COMMD10: variants seen among roughly 807,000 people sequenced by gnomAD.
The protein encoded by COMMD10 is COMM domain-containing protein 10.
In COMMD10, 33 loss-of-function variants were observed where a neutral mutation model predicts 28.9. That is an observed-to-expected ratio of 1.14 (90% confidence interval 0.87 to 1.53). The LOEUF (loss-of-function observed/expected upper bound fraction) is 1.53, where lower values mean the gene tolerates loss of function less well. Among genes scored for constraint, COMMD10 ranks in the 40% most tolerant of loss-of-function variants. The pLI is 0.00. For missense variants in COMMD10, 310 were observed against 233.4 expected, an observed-to-expected ratio of 1.33 and a Z score of -2.14; for synonymous variants, 110 against 81.7, an observed-to-expected ratio of 1.35 and a Z score of -1.87.
At chr5:116,172,309 G>T (rs1279698512) in intron 5 of COMMD10, among the ~76,000 whole-genome samples, 1 of 152,030 alleles carries the variant, frequency 6.6e-6, no homozygotes, top group Non-Finnish European at 1.5e-5. Flanking sequence ...ACTGCTTCAG[G>T]GATAAATAGG....
chr5:116,150,191 G>C (rs1752476294), intron 5 of COMMD10, among the ~76,000 whole-genome samples: 2 of 152,180 alleles, frequency 1.3e-5, no homozygotes, highest in South Asian at 4.1e-4. Context: ...ACTTCTGAGG[G>C]CTCTGTTCTG....
chr5:116,225,999 A>T (rs975373209), intron 5 of COMMD10, among the ~76,000 whole-genome samples: 4 of 151,850 alleles, frequency 2.6e-5, no homozygotes, highest in African/African-American at 9.7e-5. Flanking sequence ...CTCCACTCCA[A>T]GTTCTAGCAT....
At chr5:116,179,942 C>G (rs1747892117) in intron 5 of COMMD10, among the ~76,000 whole-genome samples, 1 of 151,912 alleles carries the variant, frequency 6.6e-6, no homozygotes, top group African/African-American at 2.4e-5. Context: ...AAGAGTGTAG[C>G]AAGCAGAATG....
rs189311888 is a variant in COMMD10 at position 116,248,693 on chromosome 5, G to A, written c.511-42824G>A. ...TTAGAGACAAAGTTGAGTTACTGTG[G>A]CCTGGCTGTGCAAATACTCTTGTTT... On this transcript the variant is annotated intron_variant, in intron 5 of 6. Transcript: ENST00000274458. Among the ~76,000 whole-genome samples, 9 of 151,960 alleles carry A rather than the reference G, an allele frequency of 5.9e-5. No homozygotes were observed. In the East Asian group the frequency reaches 1.7e-3, roughly 29 times the overall value.
intron 5 of COMMD10, among the ~76,000 whole-genome samples, chr5:116,264,306 G>T (rs777381252): frequency 6.6e-6 from 1 of 151,770 alleles, no homozygotes; most frequent in African/African-American, 2.4e-5. Flanking sequence ...TCGAATATAC[G>T]TATGAAGGCA....
At chr5:116,103,213 T>A (rs945974623) in intron 4 of COMMD10, among the ~76,000 whole-genome samples, 103 of 152,308 alleles carry the variant, frequency 6.8e-4, no homozygotes, top group African/African-American at 2.3e-3. Context: ...TCAAATGGTA[T>A]TTATAGTTCT....
At chr5:116,109,309 A>T (rs934113584) in intron 4 of COMMD10, among the ~76,000 whole-genome samples, 2 of 152,198 alleles carry the variant, frequency 1.3e-5, no homozygotes, top group East Asian at 3.9e-4. Flanking sequence ...TTGGCTGAGC[A>T]CTATGGGCTC....
chr5:116,252,262 T>C (rs1309664689), intron 5 of COMMD10, among the ~76,000 whole-genome samples: 3 of 142,334 alleles, frequency 2.1e-5, no homozygotes, highest in South Asian at 2.2e-4. Flanking sequence ...CTGTTCACTC[T>C]GATGGTAGTT....
intron 4 of COMMD10, among the ~76,000 whole-genome samples, chr5:116,094,757 TAAG>T (rs1393162595): frequency 1.3e-5 from 2 of 152,174 alleles, no homozygotes; most frequent in African/African-American, 4.8e-5. Context: ...ATAGCAAAGA[TAAG>T]AAATCAACCT....
chr5:116,211,439 G>C (rs1199536707), intron 5 of COMMD10, among the ~76,000 whole-genome samples: 1 of 152,050 alleles, frequency 6.6e-6, no homozygotes, highest in Non-Finnish European at 1.5e-5. Context: ...ACATAGAAAA[G>C]GTAATGGGTT....
chr5:116,146,482 G>T lies in COMMD10; in HGVS notation c.510+12304G>T, dbSNP rs576374930. Among the ~76,000 whole-genome samples the T allele has an allele frequency of 1.3e-4, 19 of 151,902 alleles. No homozygotes were observed. In the South Asian group the frequency reaches 3.7e-3, roughly 30 times the overall value. ...GTATTCTTATTTTGAGGGTATTATTGTAAATTTTACTTCAAGACAGAGTAA... is the reference window on the plus strand; with the variant it reads ...GTATTCTTATTTTGAGGGTATTATTTTAAATTTTACTTCAAGACAGAGTAA... On this transcript the variant is annotated intron_variant, in intron 5 of 6. Coordinates refer to ENST00000274458, the MANE Select transcript of COMMD10 (RefSeq NM_016144.4).
At chr5:116,144,501 G>A (rs1752284945) in intron 5 of COMMD10, among the ~76,000 whole-genome samples, 1 of 151,986 alleles carries the variant, frequency 6.6e-6, no homozygotes, top group East Asian at 1.9e-4. Context: ...ACCCAGGTCT[G>A]TCTGACTCCA....
chr5:116,106,688 C>A (rs1750851966), intron 4 of COMMD10, among the ~76,000 whole-genome samples: 2 of 152,104 alleles, frequency 1.3e-5, no homozygotes, highest in African/African-American at 4.8e-5. Context: ...TGCATATATA[C>A]TTAGAATAGA....
At chr5:116,251,540 G>A (rs956490100) in intron 5 of COMMD10, among the ~76,000 whole-genome samples, 1 of 149,830 alleles carries the variant, frequency 6.7e-6, no homozygotes, top group Non-Finnish European at 1.5e-5. Context: ...AGAATATGCG[G>A]TGTTTGGTTT....
chr5:116,137,413 AT>A (rs1307225874), intron 5 of COMMD10, among the ~76,000 whole-genome samples: 2 of 152,084 alleles, frequency 1.3e-5, no homozygotes, highest in Non-Finnish European at 2.9e-5. Context: ...GATATAAAGT[AT>A]CTTAAAGTAC....
intron 5 of COMMD10, among the ~76,000 whole-genome samples, chr5:116,211,518 T>C (rs954897652): frequency 2.0e-5 from 3 of 152,152 alleles, no homozygotes; most frequent in Admixed American, 6.5e-5. Context: ...TTTAATCTTA[T>C]GGGGCCACCA....
chr5:116,179,264 T>C (rs1329276966), intron 5 of COMMD10, among the ~76,000 whole-genome samples: 1 of 152,050 alleles, frequency 6.6e-6, no homozygotes, highest in Non-Finnish European at 1.5e-5. Flanking sequence ...GTTGTGGGAG[T>C]TAAATAATTT....
At chr5:116,190,729 A>G (rs1748341192) in intron 5 of COMMD10, among the ~76,000 whole-genome samples, 1 of 152,218 alleles carries the variant, frequency 6.6e-6, no homozygotes, top group Admixed American at 6.5e-5. Flanking sequence ...TTAACAAGGA[A>G]AGCAACTAAC....
At chr5:116,157,094 A>G (rs1366690686) in intron 5 of COMMD10, among the ~76,000 whole-genome samples, 1 of 152,152 alleles carries the variant, frequency 6.6e-6, no homozygotes, top group African/African-American at 2.4e-5. Flanking sequence ...GTTGCTACAT[A>G]TCAGAAGTTC....
Sources: gnomAD v4.1 joint callset for allele counts (sites outside exome capture counted in the v4.1 genomes callset) on GRCh38, gnomAD v4.1.1 for gene constraint, MANE v1.5 for transcripts, NCBI Gene and HGNC (gene_info 2026-07-23, HGNC 2026-07-21) for gene names.